The following DNAH11 variants were observed in gnomAD, a reference collection of about 807,000 sequenced individuals.
DNAH11 encodes dynein axonemal heavy chain 11.
Under a neutral mutation model 526.0 loss-of-function variants are expected in DNAH11, and 442 were observed. That is an observed-to-expected ratio of 0.84 (90% CI 0.78 to 0.91). The LOEUF (loss-of-function observed/expected upper bound fraction) is 0.91, where lower values mean the gene tolerates loss of function less well. DNAH11 is among the 40% of genes least tolerant of loss of function. The probability of loss-of-function intolerance (pLI) is 0.00; values close to 1 mark genes in which losing one functional copy is unlikely to be tolerated. For synonymous variants in DNAH11, 2,461 were observed against 1,935.9 expected, an observed-to-expected ratio of 1.27 and a Z score of -7.12; for missense variants, 6,989 against 5,448.7, an observed-to-expected ratio of 1.28 and a Z score of -8.90.
chr7:21,580,516 TA>T (rs1784268452), intron 8 of DNAH11, among the ~76,000 whole-genome samples: 1 of 152,230 alleles, frequency 6.6e-6, no homozygotes, highest in African/African-American at 2.4e-5. Context: ...CAAAACACGA[TA>T]AACTGGGTAG....
Position 21,866,563 on chromosome 7 carries a change from G to A in DNAH11, c.11590G>A (p.Glu3864Lys). The change falls in exon 71 of 82, where the codon GAA becomes AAA. Residue 3864 changes from glutamate (E) to lysine (K), a missense_variant. Coordinates refer to ENST00000409508, the MANE Select transcript of DNAH11 (RefSeq NM_001277115.2). ...GAAGTGGGTAGAATCCGAGTGTCCAGAAAAAGAAAAATTACCTCAAGAATG... is the reference window on the plus strand; with the variant it reads ...GAAGTGGGTAGAATCCGAGTGTCCAAAAAAAGAAAAATTACCTCAAGAATG... The part of the protein sequence containing the change: ...WRKWVESECP[E>K]KEKLPQEWKK... The A allele has an allele frequency of 6.2e-7, 1 of 1,613,850 alleles. No individual in the cohort carries two copies. The highest frequency in any genetic ancestry group is 1.1e-5 in the South Asian group (1 of 91,064).
intron 44 of DNAH11, among the ~76,000 whole-genome samples, chr7:21,723,195 T>A (rs1344268227): frequency 6.6e-6 from 1 of 152,206 alleles, no homozygotes; most frequent in Non-Finnish European, 1.5e-5. Flanking sequence ...GTCTAATATG[T>A]GTCAGGGAAT....
At chr7:21,839,863 T>C (rs892559981) in intron 65 of DNAH11, among the ~76,000 whole-genome samples, 4 of 152,184 alleles carry the variant, frequency 2.6e-5, no homozygotes, top group Admixed American at 2.6e-4. Context: ...GAAAACAACA[T>C]TTGAGAATTA....
At chr7:21,578,846 A>G (rs1031017016) in intron 8 of DNAH11, among the ~76,000 whole-genome samples, 8 of 152,106 alleles carry the variant, frequency 5.3e-5, no homozygotes, top group African/African-American at 1.9e-4. Flanking sequence ...ACATCTCAAA[A>G]TCACATTCAG....
intron 9 of DNAH11, among the ~76,000 whole-genome samples, chr7:21,582,904 A>G (rs1387266261): frequency 6.6e-6 from 1 of 152,172 alleles, no homozygotes; most frequent in Non-Finnish European, 1.5e-5. Context: ...TTGGCTGGTC[A>G]GTGGAGAAGA....
intron 20 of DNAH11, among the ~76,000 whole-genome samples, chr7:21,607,374 T>C (rs1785335281): frequency 1.3e-5 from 2 of 152,106 alleles, no homozygotes. Context: ...GTCTCCTGAC[T>C]CAATTGTTAA....
intron 53 of DNAH11, 76 bp downstream of exon 53, chr7:21,749,877 G>A (rs954601929): frequency 6.3e-7 from 1 of 1,587,616 alleles, no homozygotes; most frequent in Admixed American, 1.7e-5. Context: ...ACTTTAAAGA[G>A]AGAGAATTCG....
intron 5 of DNAH11, among the ~76,000 whole-genome samples, chr7:21,562,022 A>C (rs887594806): frequency 6.6e-6 from 1 of 150,482 alleles, no homozygotes; most frequent in African/African-American, 2.4e-5. Flanking sequence ...TAAGATAAGG[A>C]GGAATATATA....
chr7:21,588,454 G>A, intron 10 of DNAH11, 58 bp from the exon 11 acceptor site: 2 of 1,599,822 alleles, frequency 1.3e-6, no homozygotes, highest in Non-Finnish European at 1.7e-6. Flanking sequence ...TACAGGGTTG[G>A]AAACCATTCT....
At chr7:21,762,362 A>C (rs1786960471) in intron 54 of DNAH11, among the ~76,000 whole-genome samples, 1 of 152,210 alleles carries the variant, frequency 6.6e-6, no homozygotes, top group African/African-American at 2.4e-5. Context: ...ATAAGTGTAG[A>C]AGTGATGGAA....
chr7:21,725,746 T>C, intron 44 of DNAH11, 65 bp from the exon 45 acceptor site: 1 of 1,485,348 alleles, frequency 6.7e-7, no homozygotes, highest in Non-Finnish European at 9.1e-7. Flanking sequence ...ACTCATAATT[T>C]GTTTCTTTTT....
intron 79 of DNAH11, among the ~76,000 whole-genome samples, chr7:21,896,426 T>A (rs1139224): frequency 0.71 from 108,091 of 152,006 alleles, 40,095 homozygotes; most frequent in Non-Finnish European, 0.82. Flanking sequence ...GTTTTCTAGC[T>A]TTGATTGTAG....
intron 74 of DNAH11, among the ~76,000 whole-genome samples, chr7:21,878,441 A>G (rs990174820): frequency 3.9e-5 from 6 of 152,364 alleles, no homozygotes; most frequent in African/African-American, 1.2e-4. Flanking sequence ...TTTGATACAT[A>G]TATTGGATCT....
At chr7:21,675,115 G>T (rs10276485) in intron 30 of DNAH11, among the ~76,000 whole-genome samples, 1 of 152,050 alleles carries the variant, frequency 6.6e-6, no homozygotes, top group Non-Finnish European at 1.5e-5. Flanking sequence ...TTACAGTATA[G>T]CCAGAGAAAT....
rs34356379 is a variant in DNAH11, at chr7:21,612,554, C to CAAAAAAAA, written c.3853-2545_3853-2538dup. 8.4e-3 allele frequency among the ~76,000 whole-genome samples: 681 copies of CAAAAAAAA among 81,130 alleles called. 18 individuals carry two copies. Among genetic ancestry groups the CAAAAAAAA allele is most frequent in the African/African-American group, 0.033 (625 of 19,164 alleles). 53.2% of individuals were successfully genotyped at this position (81,130 alleles called of 152,430 possible). ...TGGGCGACAGAGTGAGGCTCCGTCTCAAAAAAAAAAAAAAAAAAAAAAGAG... is the reference window on the plus strand; with the variant it reads ...TGGGCGACAGAGTGAGGCTCCGTCTCAAAAAAAAAAAAAAAAAAAAAAAAAAAAAAGAG... On this transcript the variant is annotated intron_variant, in intron 20 of 81. Transcript: ENST00000409508.
At chr7:21,596,338 G>A (rs1201176917) in intron 14 of DNAH11, among the ~76,000 whole-genome samples, 1 of 152,206 alleles carries the variant, frequency 6.6e-6, no homozygotes, top group Non-Finnish European at 1.5e-5. Context: ...CTCTGCCAAA[G>A]TCCTGGGTAG....
At chr7:21,728,249 T>C (rs1397519694) in intron 45 of DNAH11, among the ~76,000 whole-genome samples, 1 of 39,566 alleles carries the variant, frequency 2.5e-5, no homozygotes, top group African/African-American at 5.7e-5. Flanking sequence ...TTTTTTTTTT[T>C]TTTTTTTTTT....
At chr7:21,715,163 T>G (rs1784604743) in intron 42 of DNAH11, among the ~76,000 whole-genome samples, 1 of 152,216 alleles carries the variant, frequency 6.6e-6, no homozygotes, top group East Asian at 1.9e-4. Flanking sequence ...AACTTGAAGC[T>G]TGCTCTAAGG....
intron 65 of DNAH11, 22 bp from the exon 66 acceptor site, chr7:21,842,522 G>A (rs1782246723): frequency 6.2e-7 from 1 of 1,603,784 alleles, no homozygotes; most frequent in Non-Finnish European, 8.5e-7. Context: ...TCTCCTGAAA[G>A]TCTGTGTTTT....
Sources: gnomAD v4.1 joint callset for allele counts (sites outside exome capture counted in the v4.1 genomes callset) on GRCh38, gnomAD v4.1.1 for gene constraint, MANE v1.5 for transcripts, NCBI Gene and HGNC (gene_info 2026-07-23, HGNC 2026-07-21) for gene names.